Variants in BTC observed in about 807,000 individuals in gnomAD.
The protein encoded by BTC is probetacellulin.
A neutral mutation model predicts 18.1 loss-of-function variants in BTC; 13 were observed. The observed-to-expected ratio is 0.72, with a 90% CI of 0.47 to 1.14. The LOEUF (loss-of-function observed/expected upper bound fraction) is 1.14. Ranked by LOEUF, BTC falls within the 50% of genes most tolerant of loss-of-function variation. The probability of loss-of-function intolerance (pLI) is 0.00; values close to 1 mark genes in which losing one functional copy is unlikely to be tolerated. For synonymous variants in BTC, 83 were observed against 79.4 expected (o/e 1.05, Z -0.24); for missense variants, 247 against 224.2 (o/e 1.10, Z -0.65).
intron 2 of BTC, 60 bp downstream of exon 2, chr4:74,769,998 G>A: frequency 7.4e-7 from 1 of 1,359,056 alleles, no homozygotes; most frequent in Non-Finnish European, 1.0e-6. Flanking sequence ...AGTATTATGA[G>A]TACTATTATT....
At chr4:74,787,882 T>C (rs889680073) in intron 1 of BTC, among the ~76,000 whole-genome samples, 1 of 152,102 alleles carries the variant, frequency 6.6e-6, no homozygotes, top group African/African-American at 2.4e-5. Context: ...AGCCTAGCAA[T>C]ACATGATTAG....
At chr4:74,763,643 C>A (rs1202748186) in intron 2 of BTC, among the ~76,000 whole-genome samples, 1 of 151,948 alleles carries the variant, frequency 6.6e-6, no homozygotes, top group East Asian at 1.9e-4. Context: ...AGGGAACATA[C>A]AACAGTAGTG....
chr4:74,773,665 G>A (rs1396394000), intron 1 of BTC, among the ~76,000 whole-genome samples: 1 of 151,806 alleles, frequency 6.6e-6, no homozygotes, highest in Non-Finnish European at 1.5e-5. Context: ...AGGATAGAGG[G>A]CAGTGGTGCA....
chr4:74,777,981 C>T (rs1725221170), intron 1 of BTC, among the ~76,000 whole-genome samples: 1 of 151,250 alleles, frequency 6.6e-6, no homozygotes, highest in African/African-American at 2.4e-5. Context: ...AATATGCATA[C>T]TATACACAGA....
chr4:74,769,163 A>C (rs2109898906), intron 2 of BTC, among the ~76,000 whole-genome samples: 2 of 152,252 alleles, frequency 1.3e-5, no homozygotes, highest in East Asian at 3.9e-4. Flanking sequence ...AGTTCATAGA[A>C]GTTTCCAGGG....
intron 1 of BTC, among the ~76,000 whole-genome samples, chr4:74,781,490 C>G (rs555979555): frequency 1.3e-5 from 2 of 151,688 alleles, no homozygotes; most frequent in African/African-American, 4.8e-5. Flanking sequence ...CTCACTCAAG[C>G]GTGGCCTCTT....
chr4:74,785,776 A>G (rs1024709927), intron 1 of BTC, among the ~76,000 whole-genome samples: 5 of 152,220 alleles, frequency 3.3e-5, no homozygotes, highest in African/African-American at 1.2e-4. Context: ...AGAAAAAACT[A>G]TCACCTCACA....
At chr4:74,776,699 G>A (rs1321193311) in intron 1 of BTC, among the ~76,000 whole-genome samples, 2 of 152,114 alleles carry the variant, frequency 1.3e-5, no homozygotes, top group Admixed American at 6.6e-5. Context: ...CACCAGCTGG[G>A]TCAACTATTT....
intron 1 of BTC, among the ~76,000 whole-genome samples, chr4:74,794,016 G>A (rs1158354718): frequency 1.3e-5 from 2 of 152,030 alleles, no homozygotes; most frequent in Non-Finnish European, 2.9e-5. Context: ...CGAGGACCTC[G>A]GAATCGCTTC....
At chr4:74,793,352 G>A (rs1725683778) in intron 1 of BTC, among the ~76,000 whole-genome samples, 1 of 152,148 alleles carries the variant, frequency 6.6e-6, no homozygotes, top group African/African-American at 2.4e-5. Flanking sequence ...CTCAATAAGA[G>A]GAATTCCCAT....
intron 2 of BTC, among the ~76,000 whole-genome samples, chr4:74,766,324 A>G (rs1467881595): frequency 1.3e-5 from 2 of 152,088 alleles, no homozygotes; most frequent in South Asian, 2.1e-4. Context: ...TTTTTATTGT[A>G]TAAACTTTTA....
chr4:74,793,983 C>A (rs1250658632), intron 1 of BTC, among the ~76,000 whole-genome samples: 1 of 151,864 alleles, frequency 6.6e-6, no homozygotes, highest in African/African-American at 2.4e-5. Context: ...CAGCAGCTGG[C>A]GGCCTGCTCG....
At chr4:74,750,008 A>T (rs62316280) in intron 4 of BTC, among the ~76,000 whole-genome samples, 36,879 of 150,762 alleles carry the variant, frequency 0.24, 4,728 homozygotes, top group Middle Eastern at 0.29. Context: ...AGGTATGAGG[A>T]TCGCTTAAGG....
chr4:74,748,596 T>C (rs1223941578), intron 4 of BTC, among the ~76,000 whole-genome samples: 1 of 152,108 alleles, frequency 6.6e-6, no homozygotes, highest in Non-Finnish European at 1.5e-5. Flanking sequence ...AGATGATAGG[T>C]ATAATAGGCA....
intron 2 of BTC, 141 bp from the exon 3 acceptor site, chr4:74,756,117 A>C (rs915368852): frequency 2.5e-6 from 2 of 789,106 alleles, no homozygotes; most frequent in Non-Finnish European, 4.3e-6. Context: ...CACTGGGATA[A>C]AAGTCAGACT....
At chr4:74,763,287 T>A (rs1724812985) in intron 2 of BTC, among the ~76,000 whole-genome samples, 1 of 152,154 alleles carries the variant, frequency 6.6e-6, no homozygotes, top group Admixed American at 6.5e-5. Flanking sequence ...ATTATGCCAA[T>A]AACTTTACCA....
chr4:74,749,371 A>G (rs1308171412), intron 4 of BTC, among the ~76,000 whole-genome samples: 3 of 151,268 alleles, frequency 2.0e-5, no homozygotes, highest in Non-Finnish European at 4.4e-5. Flanking sequence ...AGGTAGGAGA[A>G]TTGCTTGAAC....
At chr4:74,764,602 A>G (rs1218267026) in intron 2 of BTC, among the ~76,000 whole-genome samples, 4 of 152,210 alleles carry the variant, frequency 2.6e-5, no homozygotes, top group African/African-American at 9.6e-5. Flanking sequence ...CAATGAATGC[A>G]TAAAGAAAAT....
At chr4:74,793,728 C>G (rs577110042) in intron 1 of BTC, among the ~76,000 whole-genome samples, 1 of 152,302 alleles carries the variant, frequency 6.6e-6, no homozygotes, top group South Asian at 2.1e-4. Context: ...CTCTAGGCAT[C>G]CTGCTACTCC....
Sources: gnomAD v4.1 joint callset for allele counts (sites outside exome capture counted in the v4.1 genomes callset) on GRCh38, gnomAD v4.1.1 for gene constraint, MANE v1.5 for transcripts, NCBI Gene and HGNC (gene_info 2026-07-23, HGNC 2026-07-21) for gene names.